Variants in DUXA observed in about 807,000 individuals in gnomAD.
DUXA encodes double homeobox A.
In DUXA, 25 loss-of-function variants were observed where a neutral mutation model predicts 27.5. The ratio of observed to expected loss-of-function variants is 0.91; its 90% confidence interval spans 0.66 to 1.27. The LOEUF is 1.27. Among genes scored for constraint, DUXA ranks in the 50% most tolerant of loss-of-function variants. The probability of loss-of-function intolerance (pLI) is 0.00; values close to 1 mark genes in which losing one functional copy is unlikely to be tolerated. For missense variants in DUXA, 247 were observed against 242.9 expected (o/e 1.02, Z -0.11); for synonymous variants, 90 against 80.5 (o/e 1.12, Z -0.63).
Position 57,161,516 on chromosome 19 carries a change from C to T in DUXA, c.26-719G>A, listed in dbSNP as rs189239295. On this transcript the variant is annotated intron_variant, in intron 1 of 5. Transcript: ENST00000554048. ...CGGGCACCTGTAGTCCCAGCTACTC[C>T]GGAGGCTGAGGCAGGAGAATGGCGT... is the stretch of plus-strand genomic sequence containing the variant. 4.4e-3 allele frequency among the ~76,000 whole-genome samples: 593 copies of T among 135,328 alleles called. 21 individuals are homozygous for T. Among genetic ancestry groups the T allele is most frequent in the African/African-American group, 0.017 (558 of 33,690 alleles). 88.8% of individuals were successfully genotyped at this position (135,328 alleles called of 152,430 possible). A position where few individuals can be genotyped will look rare whatever the true frequency, so the allele number is the denominator to read the frequency against.
intron 1 of DUXA, among the ~76,000 whole-genome samples, chr19:57,166,980 T>C (rs1358146002): frequency 1.3e-5 from 2 of 152,148 alleles, no homozygotes; most frequent in East Asian, 1.9e-4. Flanking sequence ...GGCAATTAGA[T>C]GAAGTCCAAA....
In DUXA at chr19:57,155,270, G is replaced by C; in HGVS notation, c.541C>G (p.Gln181Glu). The change falls in exon 5 of 6, where the codon CAA becomes GAA. Residue 181 changes from glutamine to glutamate, a missense_variant. Gln to Glu is a conservative substitution (Grantham distance 29, BLOSUM62 2). Transcript: ENST00000554048. ...TTGGAAACAACAGGCTAGTTACCTT[G>C]CAGTCCCTCAGGAATCTTGCCCTGC... is the stretch of plus-strand genomic sequence containing the variant. ...EEQGKIPEGLQGAEDTQNGTN... is the reference protein window; with the variant it reads ...EEQGKIPEGLEGAEDTQNGTN... The C allele has an allele frequency of 6.2e-7, 1 of 1,613,878 alleles. No homozygotes were observed. Among genetic ancestry groups the C allele is most frequent in the Non-Finnish European group, 8.5e-7 (1 of 1,179,794 alleles).
Position 57,154,450 on chromosome 19 carries a change from TG to T in DUXA, c.576del (p.Phe192LeufsTer22), listed in dbSNP as rs763120552. 6.4e-5 allele frequency: 103 copies of T among 1,613,776 alleles called. No homozygotes were observed. In the African/African-American group the frequency reaches 1.3e-3, roughly 20 times the overall value. ...GCTCCAGAGAAATGAGAGTCACTAGTGAAGTTGGTGCCATTTTGTGTATCTT... is the reference window on the plus strand; with the variant it reads ...GCTCCAGAGAAATGAGAGTCACTAGTAAGTTGGTGCCATTTTGTGTATCTT... ...GAEDTQNGTN[F>X]TSDSHFSGAR... On this transcript the variant is annotated frameshift_variant, in exon 6 of 6. Transcript: ENST00000554048. LOFTEE classifies it low-confidence loss of function (END_TRUNC).
intron 5 of DUXA, among the ~76,000 whole-genome samples, chr19:57,154,725 G>A (rs908449327): frequency 3.3e-5 from 5 of 152,094 alleles, no homozygotes; most frequent in East Asian, 3.9e-4. Flanking sequence ...CACCACGCTC[G>A]GCTAATTGTT....
intron 1 of DUXA, among the ~76,000 whole-genome samples, chr19:57,165,330 T>A (rs1350921574): frequency 0.014 from 1,785 of 125,432 alleles, 18 homozygotes; most frequent in Non-Finnish European, 0.024. Context: ...AAAAAATATA[T>A]ATATATATAT....
intron 5 of DUXA, among the ~76,000 whole-genome samples, chr19:57,154,805 C>A (rs547352802): frequency 2.0e-5 from 3 of 151,986 alleles, no homozygotes; most frequent in Non-Finnish European, 4.4e-5. Flanking sequence ...CCTCGTGATC[C>A]GCCCACCTCG....
chr19:57,155,760 C>T (rs1021173423), intron 4 of DUXA, among the ~76,000 whole-genome samples: 4 of 151,966 alleles, frequency 2.6e-5, no homozygotes, highest in African/African-American at 9.7e-5. Flanking sequence ...CCTCCACCTC[C>T]CAGGTTCAAG....
chr19:57,166,729 C>G (rs981914386), intron 1 of DUXA, among the ~76,000 whole-genome samples: 3 of 152,182 alleles, frequency 2.0e-5, no homozygotes, highest in African/African-American at 4.8e-5. Flanking sequence ...GGCCAATAAT[C>G]TAATGAGATG....
chr19:57,159,358 A>G lies in DUXA; in HGVS notation c.181-80T>C, dbSNP rs73939150. On this transcript the variant is annotated intron_variant, in intron 2 of 5. Coordinates refer to ENST00000554048, the MANE Select transcript of DUXA (RefSeq NM_001012729.2). ...TCACTGCCTGTTCCCAAAGTGAGCA[A>G]TTCTTATTGGGCCTAGGCCCAGGAT... The G allele has an allele frequency of 1.4e-3, 1,725 of 1,266,612 alleles. 15 individuals carry two copies. The African/African-American group carries it at 0.02, about 15-fold the overall frequency. 78.5% of individuals were successfully genotyped at this position (1,266,612 alleles called of 1,614,324 possible). A position where few individuals can be genotyped will look rare whatever the true frequency, so the allele number is the denominator to read the frequency against.
At chr19:57,163,758 G>A (rs2087036741) in intron 1 of DUXA, among the ~76,000 whole-genome samples, 1 of 152,124 alleles carries the variant, frequency 6.6e-6, no homozygotes, top group Admixed American at 6.6e-5. Flanking sequence ...AAGGGTAGTT[G>A]TCACATGGAG....
intron 1 of DUXA, among the ~76,000 whole-genome samples, chr19:57,162,566 G>A (rs975151497): frequency 5.9e-5 from 9 of 151,746 alleles, no homozygotes; most frequent in Admixed American, 2.0e-4. Context: ...CTGGTCCATT[G>A]TTTTGTTTTT....
intron 3 of DUXA, 105 bp from the exon 4 acceptor site, chr19:57,158,578 T>C (rs568557641): frequency 7.3e-7 from 1 of 1,372,510 alleles, no homozygotes; most frequent in Admixed American, 2.1e-5. Context: ...CCCTCCAATT[T>C]CGATCCCACT....
At chr19:57,165,322 A>ATATATATATATATATATATAT (rs1484903570) in intron 1 of DUXA, among the ~76,000 whole-genome samples, 102 of 88,970 alleles carry the variant, frequency 1.1e-3, no homozygotes, top group Admixed American at 2.4e-3. Flanking sequence ...AAAAAAAAAA[A>ATATATATATATATATATATAT]AAATATATAT....
chr19:57,160,771 A>T lies in DUXA; in HGVS notation c.52T>A (p.Cys18Ser), dbSNP rs778491757. ...TGTTCTTCTGTGAATTTTGTGCGAC[A>T]GCGCCTATGATTTGTTTTTACCATC... ...HKMVKTNHRR[C>S]RTKFTEEQLK... is the part of the protein sequence containing the mutation. Residue 18 changes from cysteine to serine, a missense_variant, in exon 2 of 6, where the codon TGT becomes AGT. Physicochemically the swap from Cys to Ser is moderately radical, Grantham distance 112. Transcript: ENST00000554048. 1 of 1,614,052 alleles carries T rather than the reference A, an allele frequency of 6.2e-7. No individual in the cohort carries two copies. The highest frequency in any genetic ancestry group is 8.5e-7 in the Non-Finnish European group (1 of 1,180,042).
In DUXA at chr19:57,163,594, C is replaced by A. The variant is rs140687426; in HGVS notation, c.26-2797G>T. ...GAGTAGCTGGGATTACAGGCACCTG[C>A]CACCATGCCTGGCTAATTTTTGTAT... is the stretch of plus-strand genomic sequence containing the variant. On this transcript the variant is annotated intron_variant, in intron 1 of 5. Coordinates refer to ENST00000554048, the MANE Select transcript of DUXA (RefSeq NM_001012729.2). Among the ~76,000 whole-genome samples the A allele has an allele frequency of 1.0e-3, 152 of 152,280 alleles. 1 individual carries two copies. The Middle Eastern group carries it at 0.017, about 17-fold the overall frequency.
chr19:57,154,381 A>G lies in DUXA; in HGVS notation c.*31T>C, dbSNP rs1232310157. On this transcript the variant is annotated 3_prime_UTR_variant, in exon 6 of 6. Coordinates refer to ENST00000554048, the MANE Select transcript of DUXA (RefSeq NM_001012729.2). ...GTGAGACAGATTTGGGGTCCAGTTG[A>G]TATTATCAAGTACACTGAATTTGAC... 1 of 1,597,794 alleles carries G rather than the reference A, an allele frequency of 6.3e-7. No homozygotes were observed. Among genetic ancestry groups the G allele is most frequent in the East Asian group, 2.2e-5 (1 of 44,716 alleles).
intron 4 of DUXA, 28 bp from the exon 5 acceptor site, chr19:57,155,400 T>G: frequency 7.8e-6 from 12 of 1,536,564 alleles, no homozygotes; most frequent in Non-Finnish European, 1.1e-5. Context: ...GAAACTTAAT[T>G]TAAACAAAGA....
chr19:57,159,180 A>C lies in DUXA; in HGVS notation c.279T>G (p.Gly93=). The stretch of plus-strand genomic sequence containing the variant: ...AGGGTTATTTACTTTGAAACTCCAC[A>C]CCAGGTTGATCTTGCCCCTGGCTCT... ...SSQSQGQDQP[G]VEFQSREARR... Residue 93 remains glycine, a synonymous_variant, in exon 3 of 6, where the codon GGT becomes GGG. Transcript: ENST00000554048. 1 of 1,613,862 alleles carries C rather than the reference A, an allele frequency of 6.2e-7. No homozygotes were observed. The highest frequency in any genetic ancestry group is 1.1e-5 in the South Asian group (1 of 91,056).
In DUXA at chr19:57,154,107, G is replaced by A. The variant is rs951672539; in HGVS notation, c.*305C>T. 9 of 253,384 alleles carry A rather than the reference G, an allele frequency of 3.6e-5. No homozygotes were observed. Among genetic ancestry groups the A allele is most frequent in the African/African-American group, 2.0e-4 (9 of 44,088 alleles). 15.7% of individuals were successfully genotyped at this position (253,384 alleles called of 1,614,324 possible). ...TAGGCTGTGTCAACAGGGTAGTGTGGTACCCCCTGTACCCGTCTCTGCCTC... is the reference window on the plus strand; with the variant it reads ...TAGGCTGTGTCAACAGGGTAGTGTGATACCCCCTGTACCCGTCTCTGCCTC... On this transcript the variant is annotated 3_prime_UTR_variant, in exon 6 of 6. Transcript: ENST00000554048.
Sources: allele counts gnomAD v4.1 joint callset (sites outside exome capture counted in the v4.1 genomes callset), GRCh38; gene constraint gnomAD v4.1.1; transcripts MANE v1.5; gene names NCBI Gene and HGNC (gene_info 2026-07-23, HGNC 2026-07-21).